RBFOX1: variants seen among roughly 807,000 people sequenced by gnomAD.
The protein encoded by RBFOX1 is RNA binding fox-1 homolog 1.
RBFOX1 carries 8 observed loss-of-function variants against 57.7 expected under a neutral mutation model. The observed-to-expected ratio is 0.14, with a 90% confidence interval of 0.08 to 0.25. The LOEUF is 0.25. RBFOX1 is among the 10% of genes least tolerant of loss of function. The probability of loss-of-function intolerance (pLI) is 1.00; values close to 1 mark genes in which losing one functional copy is unlikely to be tolerated. For missense variants in RBFOX1, 611 were observed against 548.5 expected (o/e 1.11, Z -1.14); for synonymous variants, 326 against 222.4 (o/e 1.47, Z -4.15).
chr16:5,405,820 G>T lies in RBFOX1; in HGVS notation c.220-61396G>T, dbSNP rs539472916. ...CTGGGGGGCATCTGCTTGGGCTCCC[G>T]GGAAAAGTTTTCTTCCTTTTCTATT... is the stretch of plus-strand genomic sequence containing the variant. On this transcript the variant is annotated intron_variant, in intron 1 of 2. Transcript: ENST00000585867. Among the ~76,000 whole-genome samples, 4 of 152,104 alleles carry T rather than the reference G, an allele frequency of 2.6e-5. No individual in the cohort carries two copies. The East Asian group carries it at 7.8e-4, about 29-fold the overall frequency.
intron 4 of RBFOX1, among the ~76,000 whole-genome samples, chr16:7,140,578 C>T (rs74009243): frequency 7.9e-5 from 12 of 152,110 alleles, no homozygotes; most frequent in Admixed American, 7.9e-4. Flanking sequence ...TTGGGGGCAT[C>T]TTTCTATTTT....
intron 1 of RBFOX1, among the ~76,000 whole-genome samples, chr16:6,167,408 G>GT (rs2096926002): frequency 1.3e-5 from 2 of 152,184 alleles, no homozygotes; most frequent in Non-Finnish European, 2.9e-5. Context: ...CCCACTGGCT[G>GT]TTTAAGTGCT....
intron 3 of RBFOX1, among the ~76,000 whole-genome samples, chr16:7,050,506 T>C (rs1157110035): frequency 6.6e-6 from 1 of 152,118 alleles, no homozygotes; most frequent in East Asian, 1.9e-4. Context: ...CCTCACATGA[T>C]CCACCCGCCT....
intron 4 of RBFOX1, among the ~76,000 whole-genome samples, chr16:7,505,238 G>T (rs1344086065): frequency 7.1e-6 from 1 of 140,102 alleles, no homozygotes; most frequent in African/African-American, 3.1e-5. Flanking sequence ...CAACAGTGAT[G>T]GACCAAAAAA....
intron 4 of RBFOX1, among the ~76,000 whole-genome samples, chr16:7,398,746 A>C (rs770902444): frequency 6.6e-6 from 1 of 152,206 alleles, no homozygotes; most frequent in Admixed American, 6.5e-5. Context: ...TCTGACTACA[A>C]ATCCCAGCTC....
In RBFOX1 at chr16:5,984,214, C is replaced by G. The variant is rs182920922; in HGVS notation, c.351+116879C>G. Among the ~76,000 whole-genome samples the G allele has an allele frequency of 1.3e-3, 166 of 127,248 alleles. 1 individual carries two copies. Among genetic ancestry groups the G allele is most frequent in the Admixed American group, 8.4e-3 (99 of 11,726 alleles). The allele number at this position is 127,248 out of a possible 152,430, so 83.5% of individuals were successfully genotyped here. A position where few individuals can be genotyped will look rare whatever the true frequency, so the allele number is the denominator to read the frequency against. Reference sequence around the variant, plus strand: ...TCTCCTTCCCCTCCCCCTTCTTCTTCTCTTCCTCTTCCTCCTCATGGAACC... The same window carrying G: ...TCTCCTTCCCCTCCCCCTTCTTCTTGTCTTCCTCTTCCTCCTCATGGAACC... On this transcript the variant is annotated intron_variant, in intron 4 of 19. Transcript: ENST00000641259.
At chr16:6,361,727 T>C (rs12447711) in intron 2 of RBFOX1, among the ~76,000 whole-genome samples, 34,234 of 151,948 alleles carry the variant, frequency 0.23, 4,772 homozygotes, top group East Asian at 0.32. Context: ...TTTATACCAA[T>C]TGAATCAGAA....
intron 4 of RBFOX1, among the ~76,000 whole-genome samples, chr16:7,515,910 T>C (rs2076252250): frequency 6.6e-6 from 1 of 152,122 alleles, no homozygotes; most frequent in Non-Finnish European, 1.5e-5. Context: ...AGTGGTGCAC[T>C]CTCAGCTCAC....
intron 2 of RBFOX1, among the ~76,000 whole-genome samples, chr16:6,353,905 T>C (rs1034363202): frequency 6.6e-6 from 1 of 152,184 alleles, no homozygotes; most frequent in Non-Finnish European, 1.5e-5. Context: ...TGTCTTCTTT[T>C]CTTCCCACCT....
chr16:7,270,930 G>C (rs967711903), intron 4 of RBFOX1, among the ~76,000 whole-genome samples: 1 of 152,132 alleles, frequency 6.6e-6, no homozygotes, highest in East Asian at 1.9e-4. Context: ...GTTAGGAATG[G>C]AGACTTAGGG....
chr16:6,582,270 T>G (rs1324311211), intron 2 of RBFOX1, among the ~76,000 whole-genome samples: 1 of 152,238 alleles, frequency 6.6e-6, no homozygotes, highest in Non-Finnish European at 1.5e-5. Context: ...TTAGCTATTA[T>G]TTCTCAGTAA....
chr16:6,736,509 A>G (rs1164335520), intron 3 of RBFOX1, among the ~76,000 whole-genome samples: 2 of 152,210 alleles, frequency 1.3e-5, no homozygotes, highest in African/African-American at 4.8e-5. Flanking sequence ...ATGGCTAAGT[A>G]GTATTGCATC....
chr16:6,940,401 T>A (rs1298514886), intron 3 of RBFOX1, among the ~76,000 whole-genome samples: 2 of 152,094 alleles, frequency 1.3e-5, no homozygotes, highest in African/African-American at 4.8e-5. Flanking sequence ...ACTTAACAAT[T>A]CAGGAGCAGC....
chr16:5,813,373 C>T (rs1016542137), intron 3 of RBFOX1, among the ~76,000 whole-genome samples: 3 of 152,156 alleles, frequency 2.0e-5, no homozygotes, highest in Admixed American at 1.3e-4. Context: ...ACAGAAAACT[C>T]GTACCCATTA....
intron 3 of RBFOX1, among the ~76,000 whole-genome samples, chr16:5,827,168 G>A (rs750202519): frequency 1.2e-4 from 19 of 152,072 alleles, no homozygotes; most frequent in Non-Finnish European, 2.2e-4. Context: ...CTAGGAGGCC[G>A]AGGTGGGTGG....
At chr16:6,994,731 C>G (rs971768357) in intron 3 of RBFOX1, among the ~76,000 whole-genome samples, 4 of 152,182 alleles carry the variant, frequency 2.6e-5, no homozygotes, top group Non-Finnish European at 5.9e-5. Flanking sequence ...TCATATTCCA[C>G]AGCTTTTTCT....
chr16:7,649,350 A>G lies in RBFOX1; in HGVS notation c.758-4465A>G, dbSNP rs2144366645. ...AAATTTAGGAATGCTTCTGTTCACA[A>G]GATATTGGGATATCAGGACACTCCT... On this transcript the variant is annotated intron_variant, in intron 11 of 15. Coordinates refer to ENST00000550418, the MANE Select transcript of RBFOX1 (RefSeq NM_018723.4). Among the ~76,000 whole-genome samples the G allele has an allele frequency of 5.3e-5, 8 of 152,154 alleles. No individual in the cohort carries two copies. In the Middle Eastern group the frequency reaches 0.017, roughly 326 times the overall value.
chr16:7,703,393 A>T (rs1008948701), intron 14 of RBFOX1, among the ~76,000 whole-genome samples: 1 of 152,134 alleles, frequency 6.6e-6, no homozygotes, highest in East Asian at 1.9e-4. Flanking sequence ...TCTGAACTTC[A>T]TCTGAGAGCT....
chr16:6,346,794 G>A (rs1272862046), intron 2 of RBFOX1, among the ~76,000 whole-genome samples: 4 of 152,192 alleles, frequency 2.6e-5, no homozygotes, highest in African/African-American at 9.6e-5. Flanking sequence ...TGGGATGGTT[G>A]ATGTTAGTCA....
Sources: gnomAD v4.1 joint callset for allele counts (sites outside exome capture counted in the v4.1 genomes callset) on GRCh38, gnomAD v4.1.1 for gene constraint, MANE v1.5 for transcripts, NCBI Gene and HGNC (gene_info 2026-07-23, HGNC 2026-07-21) for gene names.